Variants in SPRY3 observed in about 807,000 individuals in gnomAD.
SPRY3 encodes protein sprouty homolog 3.
In SPRY3, 15 loss-of-function variants were observed where a neutral mutation model predicts 20.2. The ratio of observed to expected loss-of-function variants is 0.74; its 90% CI spans 0.50 to 1.14. SPRY3 has a LOEUF of 1.14. SPRY3 is among the 50% of genes most tolerant of loss of function. SPRY3 has a pLI of 0.00. For missense variants in SPRY3, 364 were observed against 363.9 expected (o/e 1.00, Z 0.00); for synonymous variants, 143 against 136.5 (o/e 1.05, Z -0.33).
chrX:155,632,719 T>C (rs1446731188), intron 1 of SPRY3, among the ~76,000 whole-genome samples: 2 of 112,352 alleles, frequency 1.8e-5, no homozygotes, highest in African/African-American at 6.5e-5. Flanking sequence ...GGTCAAAGCA[T>C]GTTACAAGGC....
intron 2 of SPRY3, among the ~76,000 whole-genome samples, chrX:155,740,518 G>C (rs2091198524): frequency 6.6e-6 from 1 of 152,108 alleles, no homozygotes; most frequent in Non-Finnish European, 1.5e-5. Flanking sequence ...GCCGCTCTGG[G>C]AGTGTCTGTC....
At chrX:155,669,824 T>A (rs1322499425) in intron 2 of SPRY3, 2 of 110,961 alleles carry the variant, frequency 1.8e-5, no homozygotes, top group Non-Finnish European at 3.8e-5. Context: ...TGGTCTGAGG[T>A]TGTCCACTCT....
chrX:155,634,246 C>G (rs782276062), intron 1 of SPRY3, among the ~76,000 whole-genome samples: 6 of 111,400 alleles, frequency 5.4e-5, no homozygotes, highest in African/African-American at 2.0e-4. Flanking sequence ...AGCCATCCAC[C>G]TGGTGACAAG....
At chrX:155,649,436 T>G (rs2067968872) in intron 1 of SPRY3, among the ~76,000 whole-genome samples, 1 of 111,528 alleles carries the variant, frequency 9.0e-6, no homozygotes, top group Non-Finnish European at 1.9e-5. Flanking sequence ...CAAGTAGGCT[T>G]CATCCCTGGG....
At chrX:155,705,362 T>C (rs1322573876) in intron 2 of SPRY3, among the ~76,000 whole-genome samples, 2 of 151,348 alleles carry the variant, frequency 1.3e-5, no homozygotes, top group Non-Finnish European at 3.0e-5. Context: ...CACTAAATTT[T>C]TATTTAAAAT....
chrX:155,777,756 C>T (rs1055651401), downstream of SPRY3: 17 of 162,490 alleles, frequency 1.0e-4, 1 homozygote, highest in Admixed American at 9.7e-4. Flanking sequence ...TACTTTGTGT[C>T]ATGTCCTGTA....
At chrX:155,648,662 C>T (rs2067966090) in intron 1 of SPRY3, among the ~76,000 whole-genome samples, 1 of 111,744 alleles carries the variant, frequency 8.9e-6, no homozygotes, top group African/African-American at 3.3e-5. Context: ...GTCTATATAT[C>T]TGTTTTGGTA....
At chrX:155,733,152 T>A (rs1435926783) in intron 2 of SPRY3, among the ~76,000 whole-genome samples, 2 of 151,748 alleles carry the variant, frequency 1.3e-5, no homozygotes, top group African/African-American at 4.8e-5. Context: ...ACTAAAAGAG[T>A]ATGTTTGGAT....
intron 2 of SPRY3, among the ~76,000 whole-genome samples, chrX:155,725,956 A>T (rs2091094310): frequency 6.6e-6 from 1 of 152,164 alleles, no homozygotes; most frequent in African/African-American, 2.4e-5. Context: ...GTGGGCATTT[A>T]GTGCTATAAA....
chrX:155,676,242 T>C (rs1185928166), intron 2 of SPRY3, among the ~76,000 whole-genome samples: 1 of 111,409 alleles, frequency 9.0e-6, no homozygotes, highest in Non-Finnish European at 1.9e-5. Context: ...TACTTTCTTC[T>C]ATTTTTTTCA....
At chrX:155,722,843 T>C (rs2091069238) in intron 2 of SPRY3, among the ~76,000 whole-genome samples, 1 of 152,118 alleles carries the variant, frequency 6.6e-6, no homozygotes, top group Non-Finnish European at 1.5e-5. Flanking sequence ...TGAGGTTTGT[T>C]ATATAGGTAT....
intron 2 of SPRY3, among the ~76,000 whole-genome samples, chrX:155,706,556 G>T (rs1490580885): frequency 6.6e-6 from 1 of 150,464 alleles, no homozygotes; most frequent in African/African-American, 2.4e-5. Flanking sequence ...AACAAAAGTT[G>T]CCTTTTTAAA....
At chrX:155,743,108 G>C (rs1156366680) in intron 2 of SPRY3, among the ~76,000 whole-genome samples, 1 of 152,028 alleles carries the variant, frequency 6.6e-6, no homozygotes, top group Non-Finnish European at 1.5e-5. Flanking sequence ...GAATCAAATA[G>C]ACACAATCAG....
chrX:155,690,224 T>C (rs1221045281), intron 2 of SPRY3, among the ~76,000 whole-genome samples: 1 of 88,962 alleles, frequency 1.1e-5, no homozygotes, highest in East Asian at 3.3e-4. Flanking sequence ...TGCTTAGGAG[T>C]GTTTTGTGTC....
intron 1 of SPRY3, among the ~76,000 whole-genome samples, chrX:155,615,797 C>G (rs2067849436): frequency 9.0e-6 from 1 of 111,319 alleles, no homozygotes; most frequent in Non-Finnish European, 1.9e-5. Flanking sequence ...ATTTCTGACT[C>G]TCAACAGAAA....
At chrX:155,766,202 C>A (rs778251827) in intron 2 of SPRY3, among the ~76,000 whole-genome samples, 3 of 152,128 alleles carry the variant, frequency 2.0e-5, no homozygotes, top group Admixed American at 2.0e-4. Context: ...TTTGGAGCAC[C>A]TTAAACACAT....
intron 1 of SPRY3, among the ~76,000 whole-genome samples, chrX:155,635,767 A>G (rs1557350959): frequency 8.9e-6 from 1 of 111,902 alleles, no homozygotes; most frequent in East Asian, 2.8e-4. Flanking sequence ...TGTCGGTGGG[A>G]CTGTAAACTA....
At chrX:155,759,123 C>A (rs1414538536) in intron 2 of SPRY3, among the ~76,000 whole-genome samples, 2 of 150,620 alleles carry the variant, frequency 1.3e-5, no homozygotes, top group Admixed American at 1.3e-4. Flanking sequence ...TGCAGTGGCA[C>A]AATCTCACTG....
At chrX:155,748,777 G>T (rs1016987565) in intron 2 of SPRY3, among the ~76,000 whole-genome samples, 1 of 151,748 alleles carries the variant, frequency 6.6e-6, no homozygotes, top group South Asian at 2.1e-4. Context: ...CTCTTTCCAC[G>T]TACAATAAAC....
Sources: allele counts gnomAD v4.1 joint callset (sites outside exome capture counted in the v4.1 genomes callset), GRCh38; gene constraint gnomAD v4.1.1; transcripts MANE v1.5; gene names NCBI Gene and HGNC (gene_info 2026-07-23, HGNC 2026-07-21).